Variants in TNFRSF21 observed in about 807,000 individuals in gnomAD.
The protein encoded by TNFRSF21 is tumor necrosis factor receptor superfamily member 21.
In TNFRSF21, 19 loss-of-function variants were observed where a neutral mutation model predicts 45.6. The ratio of observed to expected loss-of-function variants is 0.42; its 90% CI spans 0.29 to 0.61. The LOEUF (loss-of-function observed/expected upper bound fraction) is 0.61. TNFRSF21 is among the 20% of genes least tolerant of loss of function. The pLI, the probability that TNFRSF21 is intolerant of heterozygous loss-of-function variation, is 0.23. For missense variants in TNFRSF21, 737 were observed against 851.5 expected, an observed-to-expected ratio of 0.87 and a Z score of 1.67; for synonymous variants, 314 against 335.5, an observed-to-expected ratio of 0.94 and a Z score of 0.70.
In TNFRSF21 at chr6:47,281,384, AT is replaced by A. The variant is rs763460053; in HGVS notation, c.1243+2553del. Among the ~76,000 whole-genome samples the A allele has an allele frequency of 1.6e-3, 232 of 144,656 alleles. 1 individual carries two copies. Among genetic ancestry groups the A allele is most frequent in the South Asian group, 9.1e-3 (42 of 4,602 alleles). 94.9% of individuals were successfully genotyped at this position (144,656 alleles called of 152,430 possible). A position where few individuals can be genotyped will look rare whatever the true frequency, so the allele number is the denominator to read the frequency against. On this transcript the variant is annotated intron_variant, in intron 3 of 5. Coordinates refer to ENST00000296861, the MANE Select transcript of TNFRSF21 (RefSeq NM_014452.5). ...TTTTACAATATAAAATCTATATGTG[AT>A]TTTTTTTTTTTTTGAGATGAAGTCT...
At chr6:47,302,171 A>G (rs925394651) in intron 1 of TNFRSF21, among the ~76,000 whole-genome samples, 1 of 152,226 alleles carries the variant, frequency 6.6e-6, no homozygotes, top group Non-Finnish European at 1.5e-5. Context: ...TACTTAAGCG[A>G]GTGCTACCAG....
intron 3 of TNFRSF21, among the ~76,000 whole-genome samples, chr6:47,272,420 G>T (rs1384842941): frequency 1.3e-5 from 2 of 152,154 alleles, no homozygotes. Flanking sequence ...TGACTACTGG[G>T]TAAATAACAA....
At chr6:47,263,747 T>C (rs1305405398) in intron 3 of TNFRSF21, among the ~76,000 whole-genome samples, 1 of 152,210 alleles carries the variant, frequency 6.6e-6, no homozygotes. Flanking sequence ...ATCACCATAT[T>C]TACTAATTCT....
At chr6:47,262,977 T>A (rs553002986) in intron 3 of TNFRSF21, among the ~76,000 whole-genome samples, 1 of 152,162 alleles carries the variant, frequency 6.6e-6, no homozygotes, top group East Asian at 1.9e-4. Flanking sequence ...AAGAATAAAC[T>A]GAAGGGAGCA....
At chr6:47,264,445 G>A (rs993211589) in intron 3 of TNFRSF21, among the ~76,000 whole-genome samples, 12 of 152,126 alleles carry the variant, frequency 7.9e-5, no homozygotes, top group African/African-American at 2.7e-4. Flanking sequence ...AACCTGGGAG[G>A]CAGAGGTTGC....
rs558987695 is a variant in TNFRSF21 at position 47,253,339 on chromosome 6, C to A, written c.1426G>T (p.Ala476Ser). Residue 476 changes from alanine to serine, a missense_variant, in exon 4 of 6, where the codon GCC (alanine) becomes TCC (serine). Transcript: ENST00000296861. Reference protein sequence around the residue: ...WTIRGPEASLAQLISALRQHR... With the variant: ...WTIRGPEASLSQLISALRQHR... ...TGGCGCAGGGCGCTAATTAGCTGGG[C>A]GAGGCTGGCCTCGGGGCCCCGGATG... 1 of 1,613,814 alleles carries A rather than the reference C, an allele frequency of 6.2e-7. No homozygotes were observed. The highest frequency in any genetic ancestry group is 8.5e-7 in the Non-Finnish European group (1 of 1,179,956).
intron 3 of TNFRSF21, among the ~76,000 whole-genome samples, chr6:47,280,950 T>C (rs1490316133): frequency 3.3e-5 from 5 of 152,212 alleles, no homozygotes; most frequent in African/African-American, 4.8e-5. Flanking sequence ...TCTATCAGGA[T>C]GTTCACATGG....
chr6:47,309,322 C>G, intron 1 of TNFRSF21, 94 bp downstream of exon 1: 1 of 1,447,214 alleles, frequency 6.9e-7, no homozygotes, highest in Non-Finnish European at 9.0e-7. Context: ...CCCCGCGCCT[C>G]CCTAAGCCCC....
Position 47,234,661 on chromosome 6 carries a change from T to C in TNFRSF21, c.1738+9A>G, listed in dbSNP as rs1207412406. 4.4e-6 allele frequency: 7 copies of C among 1,600,256 alleles called. 1 individual carries two copies. In the South Asian group the frequency reaches 4.5e-5, roughly 10 times the overall value. The stretch of plus-strand genomic sequence containing the variant: ...AGTGCGTGTGTGAGGTCTGCTGCGA[T>C]GCCCGTACCTTTGGTAATAAAGGAA... On this transcript the variant is annotated intron_variant, in intron 5 of 5. Coordinates refer to ENST00000296861, the MANE Select transcript of TNFRSF21 (RefSeq NM_014452.5).
chr6:47,283,953 A>G lies in TNFRSF21; in HGVS notation c.1228T>C (p.Tyr410His). The G allele has an allele frequency of 6.2e-7, 1 of 1,613,776 alleles. No individual in the cohort carries two copies. The highest frequency in any genetic ancestry group is 8.5e-7 in the Non-Finnish European group (1 of 1,179,910). Residue 410 changes from tyrosine (Y) to histidine (H), a missense_variant, in exon 3 of 6, where the codon TAC becomes CAC. Transcript: ENST00000296861. ...GAAGGCTCACCATGGCCATTGCAGT[A>G]GTAGATCCATTTCTCCCGGTTCTGG... is the stretch of plus-strand genomic sequence containing the variant. ...PTQNREKWIY[Y>H]CNGHGIDILK... is the part of the protein sequence containing the mutation.
Position 47,276,742 on chromosome 6 carries a change from AC to A in TNFRSF21, c.1243+7195del, listed in dbSNP as rs1330356588. 1.3e-5 allele frequency among the ~76,000 whole-genome samples: 2 copies of A among 152,172 alleles called. 1 individual carries two copies. Among genetic ancestry groups the A allele is most frequent in the Non-Finnish European group, 2.9e-5 (2 of 68,040 alleles). On this transcript the variant is annotated intron_variant, in intron 3 of 5. Transcript: ENST00000296861. ...TCTTAAAATATCTCCTAACTTGCTGACCCATGGTATAGATAGCTTAGGGAAA... is the reference window on the plus strand; with the variant it reads ...TCTTAAAATATCTCCTAACTTGCTGACCATGGTATAGATAGCTTAGGGAAA...
rs377084810 is a variant in TNFRSF21 at position 47,292,514 on chromosome 6, T to C, written c.97-5919A>G. ...AGTGATTCTGATGCCCATCCAAGTT[T>C]TGGACACCCTGAACTAAGGGCTCTA... On this transcript the variant is annotated intron_variant, in intron 1 of 5. Transcript: ENST00000296861. 4.6e-5 allele frequency among the ~76,000 whole-genome samples: 7 copies of C among 152,324 alleles called. No homozygotes were observed. In the East Asian group the frequency reaches 1.3e-3, roughly 29 times the overall value.
At chr6:47,279,844 C>T (rs1225248456) in intron 3 of TNFRSF21, among the ~76,000 whole-genome samples, 1 of 152,084 alleles carries the variant, frequency 6.6e-6, no homozygotes, top group African/African-American at 2.4e-5. Context: ...CAGTCCAGTC[C>T]CCAAACATAT....
At chr6:47,249,699 C>T (rs540096972) in intron 4 of TNFRSF21, among the ~76,000 whole-genome samples, 9 of 152,224 alleles carry the variant, frequency 5.9e-5, no homozygotes, top group East Asian at 3.9e-4. Context: ...TTCATGAAAA[C>T]AAAAGCGAAG....
In TNFRSF21 at chr6:47,253,462, G is replaced by C. The variant is rs752798224; in HGVS notation, c.1303C>G (p.Gln435Glu). 3.1e-6 allele frequency: 5 copies of C among 1,613,956 alleles called. No individual in the cohort carries two copies. Among genetic ancestry groups the C allele is most frequent in the Non-Finnish European group, 4.2e-6 (5 of 1,180,036 alleles). Residue 435 changes from glutamine to glutamate, a missense_variant, in exon 4 of 6, where the codon CAG becomes GAG. Coordinates refer to ENST00000296861, the MANE Select transcript of TNFRSF21 (RefSeq NM_014452.5). ...CTCTCACTGGCATTGCAAAGAAACTGATAGATATCTTTCCACTGGCTTCCC... is the reference window on the plus strand; with the variant it reads ...CTCTCACTGGCATTGCAAAGAAACTCATAGATATCTTTCCACTGGCTTCCC... ...QVGSQWKDIY[Q>E]FLCNASEREV...
At chr6:47,302,249 T>C (rs1356533183) in intron 1 of TNFRSF21, among the ~76,000 whole-genome samples, 1 of 152,106 alleles carries the variant, frequency 6.6e-6, no homozygotes, top group African/African-American at 2.4e-5. Context: ...TTAAACCAGT[T>C]TCTAAGAGAC....
At chr6:47,284,525 G>C in intron 2 of TNFRSF21, 93 bp from the exon 3 acceptor site, 6 of 1,335,966 alleles carry the variant, frequency 4.5e-6, no homozygotes, top group Non-Finnish European at 5.9e-6. Context: ...AGCTAGGCCA[G>C]ATAATCAAAG....
chr6:47,286,427 T>C lies in TNFRSF21; in HGVS notation c.265A>G (p.Ser89Gly). The C allele has an allele frequency of 1.9e-6, 3 of 1,614,240 alleles. No homozygotes were observed. Among genetic ancestry groups the C allele is most frequent in the Non-Finnish European group, 2.5e-6 (3 of 1,180,048 alleles). ...GTAAAGGTCCCCACAGGGCAACTGC[T>C]GCAGACGCGCAGGCTTGTGTTGGTA... Reference protein sequence around the residue: ...HCTNTSLRVCSSCPVGTFTRH... With the variant: ...HCTNTSLRVCGSCPVGTFTRH... The change falls in exon 2 of 6, where the codon AGC becomes GGC. Residue 89 changes from serine to glycine, a missense_variant. Physicochemically the swap from Ser to Gly is moderately conservative, Grantham distance 56 (BLOSUM62 0). Transcript: ENST00000296861.
At chr6:47,242,076 AC>A (rs1561938098) in intron 4 of TNFRSF21, among the ~76,000 whole-genome samples, 2 of 151,812 alleles carry the variant, frequency 1.3e-5, no homozygotes, top group East Asian at 1.9e-4. Context: ...TTCCTTGGGA[AC>A]CCCCAAGCCA....
Sources: gnomAD v4.1 joint callset for allele counts (sites outside exome capture counted in the v4.1 genomes callset) on GRCh38, gnomAD v4.1.1 for gene constraint, MANE v1.5 for transcripts, NCBI Gene and HGNC (gene_info 2026-07-23, HGNC 2026-07-21) for gene names.